The following HMG20A variants were observed in gnomAD, a reference collection of about 807,000 sequenced individuals.
The protein encoded by HMG20A is high mobility group protein 20A.
In HMG20A, 17 loss-of-function variants were observed where a neutral mutation model predicts 43.9. The ratio of observed to expected loss-of-function variants is 0.39; its 90% CI spans 0.27 to 0.58. The LOEUF is 0.58. Among genes scored for constraint, HMG20A ranks in the 20% least tolerant of loss-of-function variants. The probability of loss-of-function intolerance (pLI) is 0.59; values close to 1 mark genes in which losing one functional copy is unlikely to be tolerated. For synonymous variants in HMG20A, 132 were observed against 147.5 expected (o/e 0.89, Z 0.76); for missense variants, 341 against 438.2 (o/e 0.78, Z 1.98).
At chr15:77,455,717 A>G (rs1341615937) in intron 1 of HMG20A, among the ~76,000 whole-genome samples, 1 of 152,208 alleles carries the variant, frequency 6.6e-6, no homozygotes, top group Admixed American at 6.5e-5. Context: ...AGTGCTTTGC[A>G]TAAAATTTCA....
chr15:77,498,176 C>G, the HMG20A span, among the ~76,000 whole-genome samples: 1 of 152,144 alleles, frequency 6.6e-6, no homozygotes, highest in Non-Finnish European at 1.5e-5. Context: ...AGCACACAGC[C>G]CTTTCTTACC....
the HMG20A span, among the ~76,000 whole-genome samples, chr15:77,516,414 T>G: frequency 1.4e-4 from 22 of 152,108 alleles, no homozygotes; most frequent in Non-Finnish European, 1.0e-4. Flanking sequence ...AGTTCAAGGC[T>G]GCAATGAGCC....
chr15:77,463,086 G>C (rs1300835017), intron 2 of HMG20A, among the ~76,000 whole-genome samples: 1 of 151,982 alleles, frequency 6.6e-6, no homozygotes, highest in Middle Eastern at 3.4e-3. Flanking sequence ...TGCCTCTTAA[G>C]TATCTCTTAA....
At chr15:77,502,843 C>A in the HMG20A span, among the ~76,000 whole-genome samples, 1 of 151,996 alleles carries the variant, frequency 6.6e-6, no homozygotes, top group South Asian at 2.1e-4. Flanking sequence ...GATGGCATGC[C>A]CCTGGAGTCC....
In HMG20A at chr15:77,483,006, CT is replaced by C. The variant is rs2142367984; in HGVS notation, c.*45del. 1 of 152,208 alleles carries C rather than the reference CT, an allele frequency of 6.6e-6. No individual in the cohort carries two copies. Among genetic ancestry groups the C allele is most frequent in the Non-Finnish European group, 1.5e-5 (1 of 68,032 alleles). 9.4% of individuals were successfully genotyped at this position (152,208 alleles called of 1,614,324 possible). On this transcript the variant is annotated 3_prime_UTR_variant, in exon 10 of 10. Coordinates refer to ENST00000336216, the MANE Select transcript of HMG20A (RefSeq NM_001304504.2). ...CCAAGATGTTCCATAAGTGTTTTTACTTGTGAGGAATGAGAAGCCATCCATG... is the reference window on the plus strand; with the variant it reads ...CCAAGATGTTCCATAAGTGTTTTTACTGTGAGGAATGAGAAGCCATCCATG...
At chr15:77,492,901 G>C in the HMG20A span, among the ~76,000 whole-genome samples, 1 of 152,148 alleles carries the variant, frequency 6.6e-6, no homozygotes, top group Non-Finnish European at 1.5e-5. Context: ...ACATTTGGGA[G>C]TTTGACTTGG....
At chr15:77,454,683 G>A (rs2072638138) in intron 1 of HMG20A, among the ~76,000 whole-genome samples, 3 of 152,144 alleles carry the variant, frequency 2.0e-5, no homozygotes, top group Non-Finnish European at 2.9e-5. Flanking sequence ...TGTATAGAAA[G>A]ATGTAGTGCA....
At chr15:77,428,849 A>C (rs2073453506) in intron 1 of HMG20A, among the ~76,000 whole-genome samples, 1 of 151,904 alleles carries the variant, frequency 6.6e-6, no homozygotes, top group Non-Finnish European at 1.5e-5. Flanking sequence ...ACATGTGGTC[A>C]TAGCTACTCA....
rs181192283 is a variant in HMG20A at position 77,465,407 on chromosome 15, T to G, written c.237+1020T>G. On this transcript the variant is annotated intron_variant, in intron 3 of 9. Coordinates refer to ENST00000336216, the MANE Select transcript of HMG20A (RefSeq NM_001304504.2). Reference sequence around the variant, plus strand: ...ATTGTTCTGTTGTTTTTTGTTTTTTTTTTTTTGAGGTGGAGTCTTATTCTG... The same window carrying G: ...ATTGTTCTGTTGTTTTTTGTTTTTTGTTTTTTGAGGTGGAGTCTTATTCTG... Among the ~76,000 whole-genome samples the G allele has an allele frequency of 2.2e-3, 332 of 151,018 alleles. 1 individual carries two copies. Among genetic ancestry groups the G allele is most frequent in the Middle Eastern group, 6.8e-3 (2 of 294 alleles).
the HMG20A span, among the ~76,000 whole-genome samples, chr15:77,519,673 C>T: frequency 1.3e-5 from 2 of 152,210 alleles, no homozygotes; most frequent in South Asian, 2.1e-4. Context: ...TGATCTTGGA[C>T]TTCCCAGCTT....
intron 1 of HMG20A, among the ~76,000 whole-genome samples, chr15:77,438,361 A>G (rs1010063938): frequency 5.9e-5 from 9 of 152,114 alleles, no homozygotes; most frequent in Non-Finnish European, 8.8e-5. Flanking sequence ...GAGATTTACA[A>G]TATTGTTTGT....
At position 77,479,166 on chromosome 15, in the gene HMG20A, T is replaced by C. The variant is rs747783609; in HGVS notation, c.908-13T>C. The C allele has an allele frequency of 8.6e-5, 138 of 1,612,732 alleles. No individual in the cohort carries two copies. The highest frequency in any genetic ancestry group is 1.1e-4 in the Non-Finnish European group (134 of 1,178,882). ...AGGGAGGATTTTCTTACTTTCTTCT[T>C]ATCTCACTTCAGGAAGTGGAGAGAC... On this transcript the variant is annotated splice_polypyrimidine_tract_variant and intron_variant, in intron 8 of 9. Transcript: ENST00000336216.
intron 3 of HMG20A, among the ~76,000 whole-genome samples, chr15:77,465,308 T>G (rs1432514533): frequency 6.7e-6 from 1 of 150,054 alleles, no homozygotes; most frequent in African/African-American, 2.4e-5. Flanking sequence ...CAACTAATTT[T>G]TTTTTATCTA....
intron 6 of HMG20A, among the ~76,000 whole-genome samples, chr15:77,477,304 G>GT (rs2072865315): frequency 6.6e-6 from 1 of 152,178 alleles, no homozygotes; most frequent in South Asian, 2.1e-4. Flanking sequence ...GGAAATTTAC[G>GT]TAACTTTGTT....
chr15:77,478,060 T>C (rs1173197917), intron 7 of HMG20A: 8 of 565,570 alleles, frequency 1.4e-5, no homozygotes, highest in Non-Finnish European at 1.9e-5. Flanking sequence ...GAATTGAAAC[T>C]GTTTGTTGCA....
At chr15:77,493,573 A>C in the HMG20A span, among the ~76,000 whole-genome samples, 2 of 152,170 alleles carry the variant, frequency 1.3e-5, no homozygotes, top group African/African-American at 4.8e-5. Flanking sequence ...TATTCTGACT[A>C]CTCTGTGAAG....
At chr15:77,464,464 A>G in intron 3 of HMG20A, 77 bp downstream of exon 3, 1 of 1,492,774 alleles carries the variant, frequency 6.7e-7, no homozygotes, top group Non-Finnish European at 9.2e-7. Context: ...TGTGTTGATC[A>G]AGGTGTTCAT....
At chr15:77,497,674 AGAGAGAGAGTGTGT>A in the HMG20A span, among the ~76,000 whole-genome samples, 1 of 128,490 alleles carries the variant, frequency 7.8e-6, no homozygotes, top group South Asian at 2.8e-4. Flanking sequence ...AGAGAGAGAG[AGAGAGAGAGTGTGT>A]GTGTGTGTGT....
intron 3 of HMG20A, 21 bp from the exon 4 acceptor site, chr15:77,467,074 T>A (rs139338071): frequency 2.5e-6 from 4 of 1,593,686 alleles, no homozygotes; most frequent in Non-Finnish European, 2.6e-6. Context: ...TTTTGGTTTT[T>A]TATTTTGTTT....
Sources: allele counts gnomAD v4.1 joint callset (sites outside exome capture counted in the v4.1 genomes callset), GRCh38; gene constraint gnomAD v4.1.1; transcripts MANE v1.5; gene names NCBI Gene and HGNC (gene_info 2026-07-23, HGNC 2026-07-21).